CADPS2: variants seen among roughly 807,000 people sequenced by gnomAD.
The protein encoded by CADPS2 is calcium dependent secretion activator 2, also known as calcium-dependent secretion activator 2.
CADPS2 carries 93 observed loss-of-function variants against 172.5 expected under a neutral mutation model. The observed-to-expected ratio is 0.54, with a 90% CI of 0.46 to 0.64. The LOEUF is 0.64. Among genes scored for constraint, CADPS2 ranks in the 30% least tolerant of loss-of-function variants. The pLI, the probability that CADPS2 is intolerant of heterozygous loss-of-function variation, is 0.00. For synonymous variants in CADPS2, 546 were observed against 555.2 expected (o/e 0.98, Z 0.23); for missense variants, 1,420 against 1,565.9 (o/e 0.91, Z 1.57).
At chr7:122,492,445 G>A (rs891895167) in intron 9 of CADPS2, among the ~76,000 whole-genome samples, 1 of 151,972 alleles carries the variant, frequency 6.6e-6, no homozygotes, top group Non-Finnish European at 1.5e-5. Context: ...GTGTCTGCTT[G>A]GATCACAAGG....
chr7:122,447,734 G>A (rs1030860936), intron 15 of CADPS2, among the ~76,000 whole-genome samples: 4 of 150,868 alleles, frequency 2.7e-5, no homozygotes, highest in East Asian at 2.0e-4. Context: ...TGTATTTTTC[G>A]TAGAAACAGG....
chr7:122,527,185 C>T (rs1296498235), intron 8 of CADPS2, among the ~76,000 whole-genome samples: 2 of 151,834 alleles, frequency 1.3e-5, no homozygotes, highest in African/African-American at 2.4e-5. Context: ...ATGATGAAAA[C>T]ATTAAGGAAG....
intron 17 of CADPS2, among the ~76,000 whole-genome samples, chr7:122,430,701 A>C (rs2049795619): frequency 6.6e-6 from 1 of 152,252 alleles, no homozygotes; most frequent in Admixed American, 6.5e-5. Flanking sequence ...GATTAAAAAC[A>C]GCTGCTTTCT....
At chr7:122,476,091 C>T (rs966681528) in intron 12 of CADPS2, among the ~76,000 whole-genome samples, 48 of 152,152 alleles carry the variant, frequency 3.2e-4, no homozygotes, top group African/African-American at 1.1e-3. Context: ...GCAAATCACA[C>T]ATTTTATAAA....
intron 2 of CADPS2, among the ~76,000 whole-genome samples, chr7:122,729,198 C>A (rs923230290): frequency 2.0e-5 from 3 of 151,742 alleles, no homozygotes; most frequent in African/African-American, 7.3e-5. Context: ...GATAGGATTT[C>A]ATTCTTTTTT....
At chr7:122,752,563 G>A (rs1344979021) in intron 1 of CADPS2, among the ~76,000 whole-genome samples, 2 of 152,136 alleles carry the variant, frequency 1.3e-5, no homozygotes, top group Admixed American at 6.6e-5. Context: ...TCAATACATA[G>A]GGCAAATTTT....
chr7:122,704,869 A>G (rs2086735367), intron 2 of CADPS2, among the ~76,000 whole-genome samples: 2 of 152,204 alleles, frequency 1.3e-5, no homozygotes, highest in Admixed American at 1.3e-4. Flanking sequence ...ACCAGCATCT[A>G]GCGAGTACAC....
At position 122,663,960 on chromosome 7, in the gene CADPS2, G is replaced by C. The variant is rs1337961150; in HGVS notation, c.454-391C>G. Among the ~76,000 whole-genome samples the C allele has an allele frequency of 4.7e-5, 7 of 148,400 alleles. No individual in the cohort carries two copies. The Admixed American group carries it at 4.8e-4, about 10-fold the overall frequency. On this transcript the variant is annotated intron_variant, in intron 2 of 29. Coordinates refer to ENST00000449022, the MANE Select transcript of CADPS2 (RefSeq NM_017954.11). Reference sequence around the variant, plus strand: ...TCAGAGTGAAAGGACAGCTGTCTGTGAATCAGGAAGCAGGTCCTCACAGAC... The same window carrying C: ...TCAGAGTGAAAGGACAGCTGTCTGTCAATCAGGAAGCAGGTCCTCACAGAC...
At chr7:122,804,448 T>G (rs1338400202) in intron 1 of CADPS2, among the ~76,000 whole-genome samples, 1 of 152,188 alleles carries the variant, frequency 6.6e-6, no homozygotes, top group Non-Finnish European at 1.5e-5. Context: ...TACAAATGAA[T>G]GGCTGATGAT....
intron 8 of CADPS2, among the ~76,000 whole-genome samples, chr7:122,546,099 T>C (rs756342823): frequency 6.6e-6 from 1 of 152,198 alleles, no homozygotes; most frequent in Non-Finnish European, 1.5e-5. Flanking sequence ...AAATATAATG[T>C]TTGTAAACCC....
At chr7:122,633,293 C>T (rs570154710) in intron 3 of CADPS2, among the ~76,000 whole-genome samples, 83 of 152,084 alleles carry the variant, frequency 5.5e-4, no homozygotes, top group African/African-American at 1.8e-3. Flanking sequence ...CAGTATGATC[C>T]GTTTAATGAT....
chr7:122,425,058 C>T (rs2048979907), intron 17 of CADPS2, among the ~76,000 whole-genome samples: 1 of 152,068 alleles, frequency 6.6e-6, no homozygotes, highest in Non-Finnish European at 1.5e-5. Context: ...TGTCTCACTG[C>T]AGCCTCGAAC....
intron 1 of CADPS2, among the ~76,000 whole-genome samples, chr7:122,796,917 T>C (rs1435103782): frequency 6.6e-6 from 1 of 151,336 alleles, no homozygotes; most frequent in East Asian, 1.9e-4. Context: ...ATCAACAGAG[T>C]GAACAGACAA....
intron 2 of CADPS2, among the ~76,000 whole-genome samples, chr7:122,728,868 A>G (rs1248054395): frequency 6.6e-6 from 1 of 151,788 alleles, no homozygotes; most frequent in African/African-American, 2.4e-5. Context: ...CAGGATGTCT[A>G]TCACCCAAGT....
chr7:122,811,538 T>C (rs973765541), intron 1 of CADPS2, among the ~76,000 whole-genome samples: 1 of 152,172 alleles, frequency 6.6e-6, no homozygotes, highest in African/African-American at 2.4e-5. Flanking sequence ...TTTAAACTAT[T>C]TGCATTTTAG....
intron 7 of CADPS2, among the ~76,000 whole-genome samples, chr7:122,563,886 A>G (rs2066070192): frequency 6.6e-6 from 1 of 152,174 alleles, no homozygotes. Context: ...TCCTAACCTG[A>G]AAATCCAAAA....
intron 5 of CADPS2, among the ~76,000 whole-genome samples, chr7:122,618,936 A>T (rs1481062468): frequency 6.6e-6 from 1 of 152,180 alleles, no homozygotes; most frequent in African/African-American, 2.4e-5. Context: ...ATGGTAGGAA[A>T]ATATCTGCCT....
intron 24 of CADPS2, 50 bp from the exon 25 acceptor site, chr7:122,379,492 T>G (rs1311841282): frequency 1.7e-6 from 2 of 1,165,052 alleles, no homozygotes; most frequent in East Asian, 2.4e-5. Flanking sequence ...CACAAAACTT[T>G]TGTCATCAGT....
At chr7:122,785,605 C>T (rs747393782) in intron 1 of CADPS2, among the ~76,000 whole-genome samples, 1 of 152,064 alleles carries the variant, frequency 6.6e-6, no homozygotes, top group Non-Finnish European at 1.5e-5. Flanking sequence ...AGCCTTTTTG[C>T]TCTCAGGTCT....
Sources: gnomAD v4.1 joint callset for allele counts (sites outside exome capture counted in the v4.1 genomes callset) on GRCh38, gnomAD v4.1.1 for gene constraint, MANE v1.5 for transcripts, NCBI Gene and HGNC (gene_info 2026-07-23, HGNC 2026-07-21) for gene names.